Variants in SYNE1 observed in about 807,000 individuals in gnomAD.
The protein encoded by SYNE1 is nesprin-1.
SYNE1 carries 616 observed loss-of-function variants against 1,111.0 expected under a neutral mutation model. The ratio of observed to expected loss-of-function variants is 0.55; its 90% CI spans 0.52 to 0.59. The LOEUF (loss-of-function observed/expected upper bound fraction) is 0.59. Among genes scored for constraint, SYNE1 ranks in the 20% least tolerant of loss-of-function variants. The probability of loss-of-function intolerance (pLI) is 0.00; values close to 1 mark genes in which losing one functional copy is unlikely to be tolerated. For missense variants in SYNE1, 10,006 were observed against 10,417.0 expected (o/e 0.96, Z 1.72); for synonymous variants, 3,855 against 3,825.8 (o/e 1.01, Z -0.28).
chr6:152,282,758 T>C (rs1467610985), intron 96 of SYNE1, among the ~76,000 whole-genome samples: 7 of 152,114 alleles, frequency 4.6e-5, no homozygotes, highest in Non-Finnish European at 1.0e-4. Flanking sequence ...GGCAGACACA[T>C]CGGCTTTAAA....
intron 11 of SYNE1, among the ~76,000 whole-genome samples, chr6:152,489,992 C>A (rs572139389): frequency 1.3e-5 from 2 of 152,094 alleles, no homozygotes; most frequent in Non-Finnish European, 2.9e-5. Context: ...ACAACCTCAG[C>A]GCTAATATTC....
In SYNE1 at chr6:152,278,156, A is replaced by T; in HGVS notation, c.18506T>A (p.Leu6169Gln). 6.2e-7 allele frequency: 1 copy of T among 1,614,128 alleles called. No homozygotes were observed. The highest frequency in any genetic ancestry group is 1.3e-5 in the African/African-American group (1 of 75,032). ...KDEAEQLAGK[L>Q]RRLKGSLLEL... ...CAGCAGGCTCCCCTTGAGCCTTCTC[A>T]GCTTTCCAGCCAGCTGCTCGGCCTC... The change falls in exon 98 of 146, where the codon CTG becomes CAG. Residue 6169 changes from leucine (L) to glutamine (Q), a missense_variant. Leu to Gln is a moderately radical substitution (Grantham distance 113). Transcript: ENST00000367255.
At chr6:152,221,068 CAT>C (rs768276958) in intron 118 of SYNE1, 22 bp from the exon 119 acceptor site, 1 of 1,612,924 alleles carries the variant, frequency 6.2e-7, no homozygotes, top group Non-Finnish European at 8.5e-7. Context: ...AACCAACACT[CAT>C]GAGCAGATTA....
At chr6:152,253,548 C>G (rs1186091589) in intron 104 of SYNE1, among the ~76,000 whole-genome samples, 1 of 152,154 alleles carries the variant, frequency 6.6e-6, no homozygotes, top group African/African-American at 2.4e-5. Context: ...GAATTTGAAC[C>G]CAGACTGTTA....
At chr6:152,605,060 G>A (rs1376050240) in intron 3 of SYNE1, among the ~76,000 whole-genome samples, 3 of 75,368 alleles carry the variant, frequency 4.0e-5, no homozygotes, top group African/African-American at 1.6e-4. Flanking sequence ...GAGGGAGGGA[G>A]GGAGGGAGGG....
rs1563856076 is a variant in SYNE1, at chr6:152,416,559, C to T, written c.5878G>A (p.Glu1960Lys). 1 of 1,614,128 alleles carries T rather than the reference C, an allele frequency of 6.2e-7. No homozygotes were observed. The highest frequency in any genetic ancestry group is 8.5e-7 in the Non-Finnish European group (1 of 1,180,032). ...GTTCCCAGAAGGTTCTGGATCCTCT[C>T]TACCTCTCCACAGAGCTGATCAGCC... ...ATADQLCGEV[E>K]RIQNLLGTKQ... The change falls in exon 41 of 146, where the codon GAG becomes AAG. Residue 1960 changes from glutamate to lysine, a missense_variant. Glu to Lys is a moderately conservative substitution (Grantham distance 56). Coordinates refer to ENST00000367255, the MANE Select transcript of SYNE1 (RefSeq NM_182961.4).
intron 29 of SYNE1, among the ~76,000 whole-genome samples, chr6:152,445,855 G>A (rs931624159): frequency 6.6e-6 from 1 of 152,082 alleles, no homozygotes; most frequent in Non-Finnish European, 1.5e-5. Flanking sequence ...TAAACAAAAT[G>A]TGTTTTTCTC....
chr6:152,182,513 A>G (rs2068406047), intron 128 of SYNE1, among the ~76,000 whole-genome samples: 1 of 152,104 alleles, frequency 6.6e-6, no homozygotes, highest in African/African-American at 2.4e-5. Context: ...AACTGTTAAC[A>G]TTTTGCTATA....
At position 152,136,803 on chromosome 6, in the gene SYNE1, C is replaced by T; in HGVS notation, c.25474G>A (p.Val8492Met). Residue 8492 changes from valine (V) to methionine (M), a missense_variant, in exon 141 of 146, where the codon GTG becomes ATG. Coordinates refer to ENST00000367255, the MANE Select transcript of SYNE1 (RefSeq NM_182961.4). ...AGGATGATGGCTTTGCGGTGGTCCA[C>T]AGCTTTCTGGAGCTCCTGAAAAGAA... ...IKKLKELQKA[V>M]DHRKAIILSI... 1 of 1,614,222 alleles carries T rather than the reference C, an allele frequency of 6.2e-7. No homozygotes were observed. Among genetic ancestry groups the T allele is most frequent in the East Asian group, 2.2e-5 (1 of 44,870 alleles).
chr6:152,187,874 C>G (rs2635432), intron 128 of SYNE1, among the ~76,000 whole-genome samples: 4 of 151,568 alleles, frequency 2.6e-5, no homozygotes, highest in Admixed American at 2.6e-4. Context: ...TACAGGCACC[C>G]GCCACCATCC....
At chr6:152,517,061 C>A (rs1393559658) in intron 6 of SYNE1, among the ~76,000 whole-genome samples, 1 of 152,156 alleles carries the variant, frequency 6.6e-6, no homozygotes, top group Non-Finnish European at 1.5e-5. Context: ...TATCCTAATG[C>A]CTGGAATCTC....
At chr6:152,510,449 C>A (rs1430538312) in intron 7 of SYNE1, 78 bp from the exon 8 acceptor site, 2 of 1,506,014 alleles carry the variant, frequency 1.3e-6, no homozygotes, top group South Asian at 1.2e-5. Context: ...ACTTTTCCAG[C>A]AACAAATGAG....
chr6:152,226,955 C>T (rs1315405030), intron 115 of SYNE1, among the ~76,000 whole-genome samples: 3 of 152,114 alleles, frequency 2.0e-5, no homozygotes. Context: ...CTTGGAGATT[C>T]GAATGGAGAA....
intron 16 of SYNE1, among the ~76,000 whole-genome samples, chr6:152,466,643 T>G (rs2098770106): frequency 6.6e-6 from 1 of 152,158 alleles, no homozygotes; most frequent in Admixed American, 6.6e-5. Context: ...GACATGTTTA[T>G]ATATCTATTT....
chr6:152,588,129 T>A (rs558797028), intron 3 of SYNE1, among the ~76,000 whole-genome samples: 2 of 152,356 alleles, frequency 1.3e-5, no homozygotes, highest in South Asian at 4.1e-4. Context: ...CTAGCTGACA[T>A]TCAAGTTCTT....
intron 58 of SYNE1, among the ~76,000 whole-genome samples, chr6:152,374,534 G>A (rs1250603062): frequency 6.6e-6 from 1 of 152,228 alleles, no homozygotes; most frequent in Non-Finnish European, 1.5e-5. Context: ...AGCACTTTGA[G>A]AGGCCGAGGC....
At chr6:152,338,629 C>T (rs2096460750) in intron 75 of SYNE1, among the ~76,000 whole-genome samples, 1 of 151,970 alleles carries the variant, frequency 6.6e-6, no homozygotes, top group African/African-American at 2.4e-5. Flanking sequence ...AAGAAACAAA[C>T]AAACAAACAA....
At chr6:152,471,062 T>C (rs1289836136) in intron 16 of SYNE1, among the ~76,000 whole-genome samples, 2 of 152,104 alleles carry the variant, frequency 1.3e-5, no homozygotes, top group Non-Finnish European at 2.9e-5. Context: ...ATTAAGTTGG[T>C]ACAGAGATTC....
Position 152,350,533 on chromosome 6 carries a change from T to C in SYNE1, c.11733+85A>G. The C allele has an allele frequency of 2.5e-6, 4 of 1,588,240 alleles. No individual in the cohort carries two copies. In the South Asian group the frequency reaches 4.4e-5, roughly 18 times the overall value. ...AAAAAATACTAACCCGTACCAGGCC[T>C]TAAAATTACATGACAGAGAGAAAGG... On this transcript the variant is annotated intron_variant, in intron 71 of 145. Transcript: ENST00000367255.
Sources: allele counts gnomAD v4.1 joint callset (sites outside exome capture counted in the v4.1 genomes callset), GRCh38; gene constraint gnomAD v4.1.1; transcripts MANE v1.5; gene names NCBI Gene and HGNC (gene_info 2026-07-23, HGNC 2026-07-21).